The following PDS5A variants were observed in gnomAD, a reference collection of about 807,000 sequenced individuals.
PDS5A encodes the protein PDS5 cohesin associated factor A, also known as sister chromatid cohesion protein PDS5 homolog A.
Under a neutral mutation model 167.1 loss-of-function variants are expected in PDS5A, and 42 were observed. The ratio of observed to expected loss-of-function variants is 0.25; its 90% confidence interval spans 0.20 to 0.33. The LOEUF (loss-of-function observed/expected upper bound fraction) is 0.33. Ranked by LOEUF, PDS5A falls within the 10% of genes least tolerant of loss-of-function variation. PDS5A has a pLI of 1.00. For synonymous variants in PDS5A, 553 were observed against 554.6 expected (o/e 1.00, Z 0.04); for missense variants, 1,033 against 1,605.9 (o/e 0.64, Z 6.10).
Position 39,887,337 on chromosome 4 carries a change from T to C in PDS5A, c.1886+2912A>G, listed in dbSNP as rs191022208. On this transcript the variant is annotated intron_variant, in intron 17 of 32. Coordinates refer to ENST00000303538, the MANE Select transcript of PDS5A (RefSeq NM_001100399.2). ...TATCATAAAGTAATGTTGAATTTTA[T>C]TGAATGTTTTTTCAGAACCTATTAA... is the stretch of plus-strand genomic sequence containing the variant. Among the ~76,000 whole-genome samples the C allele has an allele frequency of 3.3e-5, 5 of 152,348 alleles. No individual in the cohort carries two copies. The East Asian group carries it at 9.6e-4, about 29-fold the overall frequency.
At chr4:39,952,444 T>A (rs538703123) in intron 2 of PDS5A, among the ~76,000 whole-genome samples, 1 of 152,332 alleles carries the variant, frequency 6.6e-6, no homozygotes, top group Non-Finnish European at 1.5e-5. Flanking sequence ...TCAGCAAGTA[T>A]AAAATTAAAA....
intron 8 of PDS5A, 73 bp from the exon 9 acceptor site, chr4:39,913,799 CAAG>C: frequency 2.5e-6 from 2 of 814,004 alleles, no homozygotes; most frequent in Non-Finnish European, 4.3e-6. Context: ...GAAACATTCT[CAAG>C]AAGATACTAT....
At chr4:39,828,162 C>G (rs1158951564) in intron 32 of PDS5A, among the ~76,000 whole-genome samples, 1 of 152,140 alleles carries the variant, frequency 6.6e-6, no homozygotes, top group African/African-American at 2.4e-5. Context: ...AAAGGAATAA[C>G]AAGTCTAAAT....
intron 2 of PDS5A, among the ~76,000 whole-genome samples, chr4:39,959,477 A>C (rs978985056): frequency 6.6e-5 from 10 of 151,984 alleles, no homozygotes; most frequent in African/African-American, 2.4e-4. Flanking sequence ...TGGCCTCCTG[A>C]GTAGCTGGGA....
rs776437230 is a variant in PDS5A at position 39,849,646 on chromosome 4, T to C, written c.3093A>G (p.Leu1031=). The change falls in exon 27 of 33, where the codon CTA becomes CTG. Residue 1031 remains leucine (L), a synonymous_variant. Transcript: ENST00000303538. ...VDQLRDIKEC[L]WFMLEVLMTK... ...TCATTAAAACTTCAAGCATGAACCA[T>C]AGGCACCTAAATGTAAACATATTAA... The C allele has an allele frequency of 3.2e-5, 52 of 1,608,644 alleles. 1 individual carries two copies. Among genetic ancestry groups the C allele is most frequent in the South Asian group, 2.0e-4 (18 of 90,892 alleles).
intron 10 of PDS5A, 72 bp from the exon 11 acceptor site, chr4:39,908,612 C>CAG: frequency 1.1e-6 from 1 of 909,256 alleles, no homozygotes; most frequent in Non-Finnish European, 1.7e-6. Flanking sequence ...ATGGCAAGAA[C>CAG]AGAAATATGT....
intron 2 of PDS5A, among the ~76,000 whole-genome samples, chr4:39,943,041 T>C (rs941007183): frequency 6.6e-6 from 1 of 151,990 alleles, no homozygotes; most frequent in Non-Finnish European, 1.5e-5. Flanking sequence ...GTATATTTTT[T>C]ACATATTCTA....
chr4:39,910,486 T>G, intron 9 of PDS5A, 148 bp from the exon 10 acceptor site: 2 of 574,524 alleles, frequency 3.5e-6, no homozygotes. Flanking sequence ...AGGAAGAATA[T>G]AAAGTACACT....
chr4:39,877,612 AAGAT>A (rs1404941270), intron 18 of PDS5A, among the ~76,000 whole-genome samples: 4 of 152,152 alleles, frequency 2.6e-5, no homozygotes, highest in African/African-American at 9.7e-5. Context: ...GACTGGCAAA[AAGAT>A]AATCTATGAG....
intron 2 of PDS5A, among the ~76,000 whole-genome samples, chr4:39,962,798 G>A (rs553449849): frequency 8.6e-5 from 13 of 151,692 alleles, no homozygotes; most frequent in East Asian, 1.9e-4. Context: ...TCCGTCTGGC[G>A]AGGAAGAGGG....
At chr4:39,831,865 A>T (rs990615958) in intron 32 of PDS5A, among the ~76,000 whole-genome samples, 4 of 112,910 alleles carry the variant, frequency 3.5e-5, no homozygotes, top group African/African-American at 1.3e-4. Context: ...AACAAGAGCG[A>T]AACTCGTCTC....
At chr4:39,911,067 G>A (rs879669081) in intron 9 of PDS5A, among the ~76,000 whole-genome samples, 6 of 152,128 alleles carry the variant, frequency 3.9e-5, no homozygotes, top group Non-Finnish European at 8.8e-5. Context: ...CCAGGAGGTC[G>A]AGGCTGCAGT....
intron 19 of PDS5A, among the ~76,000 whole-genome samples, chr4:39,875,516 C>A (rs777706959): frequency 1.3e-5 from 2 of 152,106 alleles, no homozygotes; most frequent in African/African-American, 4.8e-5. Context: ...GCAAGGGTGA[C>A]AATGCCCTCT....
At chr4:39,842,935 A>ATATATATATATATATATATATATATATAT (rs1717190137) in intron 30 of PDS5A, among the ~76,000 whole-genome samples, 1 of 139,716 alleles carries the variant, frequency 7.2e-6, no homozygotes, top group Non-Finnish European at 1.5e-5. Context: ...ATATATATAT[A>ATATATATATATATATATATATATATATAT]TATTTTAAGA....
chr4:39,952,605 T>C (rs1224351594), intron 2 of PDS5A, among the ~76,000 whole-genome samples: 2 of 152,060 alleles, frequency 1.3e-5, no homozygotes, highest in African/African-American at 2.4e-5. Flanking sequence ...ACTGTGATAA[T>C]ACCAGCTGAA....
chr4:39,915,635 C>T (rs1193872640), intron 8 of PDS5A, among the ~76,000 whole-genome samples: 1 of 152,096 alleles, frequency 6.6e-6, no homozygotes, highest in Non-Finnish European at 1.5e-5. Flanking sequence ...GCTGGGATTA[C>T]AGGTATGAGC....
chr4:39,902,651 T>C (rs1722980978), intron 12 of PDS5A, among the ~76,000 whole-genome samples, 191 bp from the exon 13 acceptor site: 1 of 151,958 alleles, frequency 6.6e-6, no homozygotes, highest in African/African-American at 2.4e-5. Context: ...GCCTCTCCAG[T>C]AGCTAGGACT....
intron 26 of PDS5A, among the ~76,000 whole-genome samples, chr4:39,849,949 G>C (rs1272860572): frequency 6.6e-6 from 1 of 152,052 alleles, no homozygotes; most frequent in Non-Finnish European, 1.5e-5. Context: ...TCAGCACTTT[G>C]GGTGGCTAAG....
intron 2 of PDS5A, among the ~76,000 whole-genome samples, chr4:39,937,252 G>GT (rs1726707034): frequency 6.6e-6 from 1 of 152,094 alleles, no homozygotes; most frequent in South Asian, 2.1e-4. Flanking sequence ...CCTCATTAGC[G>GT]TAACAAAGAC....
Sources: allele counts gnomAD v4.1 joint callset (sites outside exome capture counted in the v4.1 genomes callset), GRCh38; gene constraint gnomAD v4.1.1; transcripts MANE v1.5; gene names NCBI Gene and HGNC (gene_info 2026-07-23, HGNC 2026-07-21).